NPAS3: variants seen among roughly 807,000 people sequenced by gnomAD.
NPAS3 encodes the protein neuronal PAS domain-containing protein 3.
NPAS3 carries 14 observed loss-of-function variants against 73.1 expected under a neutral mutation model. The ratio of observed to expected loss-of-function variants is 0.19; its 90% CI spans 0.13 to 0.30. NPAS3 has a LOEUF of 0.30. NPAS3 is among the 10% of genes least tolerant of loss of function. The pLI is 1.00. For synonymous variants in NPAS3, 620 were observed against 541.5 expected (o/e 1.14, Z -2.01); for missense variants, 1,096 against 1,250.0 (o/e 0.88, Z 1.86).
intron 6 of NPAS3, among the ~76,000 whole-genome samples, chr14:33,732,335 G>A (rs1183091624): frequency 3.3e-5 from 5 of 152,032 alleles, no homozygotes; most frequent in African/African-American, 7.2e-5. Flanking sequence ...TCAAAATCAC[G>A]CCTCTCACGT....
chr14:33,212,190 CT>C (rs1292943194), intron 2 of NPAS3, among the ~76,000 whole-genome samples: 13 of 152,188 alleles, frequency 8.5e-5, no homozygotes, highest in Admixed American at 1.3e-4. Flanking sequence ...TTGTCTTCAT[CT>C]GTTACACCAG....
intron 8 of NPAS3, 97 bp from the exon 9 acceptor site, chr14:33,778,369 A>G (rs917956682): frequency 2.4e-6 from 2 of 847,694 alleles, no homozygotes; most frequent in Non-Finnish European, 3.9e-6. Flanking sequence ...GTACAGTAGT[A>G]TAATGAAATG....
chr14:33,291,314 A>T (rs2042091151), intron 3 of NPAS3, among the ~76,000 whole-genome samples: 1 of 152,094 alleles, frequency 6.6e-6, no homozygotes, highest in African/African-American at 2.4e-5. Flanking sequence ...TTTCTATATC[A>T]TGTTTTTAAA....
chr14:33,123,622 A>G lies in NPAS3; in HGVS notation c.140+67628A>G, dbSNP rs187426594. Among the ~76,000 whole-genome samples, 396 of 152,186 alleles carry G rather than the reference A, an allele frequency of 2.6e-3. 1 individual carries two copies. The highest frequency in any genetic ancestry group is 6.8e-3 in the African/African-American group (281 of 41,550). On this transcript the variant is annotated intron_variant, in intron 2 of 11. Transcript: ENST00000356141. Reference sequence around the variant, plus strand: ...GATAGTCGGGAGGAGAAGCAGAGTTATATGTAATTTCCTGATAATATGTAG... The same window carrying G: ...GATAGTCGGGAGGAGAAGCAGAGTTGTATGTAATTTCCTGATAATATGTAG...
intron 4 of NPAS3, among the ~76,000 whole-genome samples, chr14:33,500,215 G>A (rs1040914333): frequency 5.3e-5 from 8 of 151,826 alleles, no homozygotes; most frequent in African/African-American, 1.9e-4. Flanking sequence ...GCAATACCAC[G>A]TAAAGGGAGG....
intron 4 of NPAS3, among the ~76,000 whole-genome samples, chr14:33,388,803 C>G (rs1474118719): frequency 6.6e-6 from 1 of 152,144 alleles, no homozygotes; most frequent in African/African-American, 2.4e-5. Context: ...GTTCCCGATA[C>G]TGCTTCATGG....
chr14:33,068,634 G>C (rs908270357), intron 2 of NPAS3, among the ~76,000 whole-genome samples: 8 of 152,228 alleles, frequency 5.3e-5, no homozygotes, highest in African/African-American at 1.7e-4. Context: ...AGTCAGTGCA[G>C]TGGAACAAAA....
At chr14:32,988,501 G>T (rs868259710) in intron 1 of NPAS3, among the ~76,000 whole-genome samples, 1 of 152,168 alleles carries the variant, frequency 6.6e-6, no homozygotes, top group African/African-American at 2.4e-5. Context: ...ATAGGAAACC[G>T]ATTAATCTAA....
intron 2 of NPAS3, among the ~76,000 whole-genome samples, chr14:33,109,547 G>A (rs137863517): frequency 4.6e-5 from 7 of 152,156 alleles, no homozygotes; most frequent in Non-Finnish European, 8.8e-5. Flanking sequence ...TACATCTTTG[G>A]TAAAATACTG....
At chr14:33,672,281 T>C (rs938392822) in intron 5 of NPAS3, among the ~76,000 whole-genome samples, 1 of 152,228 alleles carries the variant, frequency 6.6e-6, no homozygotes, top group African/African-American at 2.4e-5. Flanking sequence ...TATATTATAA[T>C]ACATTTTAAG....
chr14:33,332,592 TC>T (rs1331648774), intron 3 of NPAS3, among the ~76,000 whole-genome samples: 1 of 152,156 alleles, frequency 6.6e-6, no homozygotes, highest in Admixed American at 6.5e-5. Flanking sequence ...CCATGTCACG[TC>T]CCCTTAACCA....
intron 3 of NPAS3, among the ~76,000 whole-genome samples, chr14:33,362,130 G>A (rs895521788): frequency 1.3e-5 from 2 of 152,112 alleles, no homozygotes; most frequent in African/African-American, 4.8e-5. Flanking sequence ...CAGTTGTCAT[G>A]TTGCTATATG....
At chr14:32,939,600 C>T (rs1408561069) in intron 1 of NPAS3, among the ~76,000 whole-genome samples, 2 of 120,390 alleles carry the variant, frequency 1.7e-5, no homozygotes, top group African/African-American at 3.3e-5. Flanking sequence ...CTCCTCGGCT[C>T]GGCGAATAGA....
chr14:33,334,675 C>G (rs967459117), intron 3 of NPAS3, among the ~76,000 whole-genome samples: 1 of 151,772 alleles, frequency 6.6e-6, no homozygotes, highest in Admixed American at 6.6e-5. Context: ...GCAGTTTATT[C>G]TTTTTACAAA....
rs1243296129 is a variant in NPAS3, at chr14:33,158,153, C to T, written c.141-57029C>T. Among the ~76,000 whole-genome samples the T allele has an allele frequency of 2.6e-5, 4 of 152,140 alleles. No individual in the cohort carries two copies. The East Asian group carries it at 7.7e-4, about 29-fold the overall frequency. ...TCAAAATCGTTGAGCAGTGGTAGTC[C>T]GTTAGAAAGCACCAGCGGATTGTAC... On this transcript the variant is annotated intron_variant, in intron 2 of 11. Transcript: ENST00000356141.
At chr14:32,943,068 T>C (rs1208902001) in intron 1 of NPAS3, among the ~76,000 whole-genome samples, 1 of 152,212 alleles carries the variant, frequency 6.6e-6, no homozygotes, top group Non-Finnish European at 1.5e-5. Context: ...TTCTGATTTA[T>C]GAATTGAAAG....
chr14:32,939,295 G>A, upstream of NPAS3: 1 of 713,654 alleles, frequency 1.4e-6, no homozygotes, highest in South Asian at 1.4e-5. Context: ...AAAAGTAAGA[G>A]AGGAAAAAAA....
At chr14:33,218,117 T>C (rs939304036) in intron 3 of NPAS3, among the ~76,000 whole-genome samples, 1 of 152,184 alleles carries the variant, frequency 6.6e-6, no homozygotes, top group African/African-American at 2.4e-5. Flanking sequence ...GGCATGGTAG[T>C]GTCACTGAGA....
In NPAS3 at chr14:33,129,053, AG is replaced by A. The variant is rs1409753221; in HGVS notation, c.140+73060del. On this transcript the variant is annotated intron_variant, in intron 2 of 11. Coordinates refer to ENST00000356141, the Ensembl canonical transcript of NPAS3. ...TCCAGGTTTTTGTAACCTGGAGAAA[AG>A]CCCCACAGCAGAAACCAGGGGCCAA... Among the ~76,000 whole-genome samples, 3 of 152,088 alleles carry A rather than the reference AG, an allele frequency of 2.0e-5. No individual in the cohort carries two copies. The East Asian group carries it at 5.8e-4, about 30-fold the overall frequency.
Sources: allele counts gnomAD v4.1 joint callset (sites outside exome capture counted in the v4.1 genomes callset), GRCh38; gene constraint gnomAD v4.1.1; transcripts MANE v1.5; gene names NCBI Gene and HGNC (gene_info 2026-07-23, HGNC 2026-07-21).